The following CLEC9A variants were observed in gnomAD, a reference collection of about 807,000 sequenced individuals.
CLEC9A encodes the protein C-type lectin domain family 9 member A.
A neutral mutation model predicts 30.0 loss-of-function variants in CLEC9A; 24 were observed. The observed-to-expected ratio is 0.80, with a 90% CI of 0.58 to 1.13. CLEC9A has a LOEUF of 1.13. Ranked by LOEUF, CLEC9A falls within the 50% of genes most tolerant of loss-of-function variation. CLEC9A has a pLI of 0.00. For missense variants in CLEC9A, 251 were observed against 280.9 expected (o/e 0.89, Z 0.76); for synonymous variants, 111 against 96.8 (o/e 1.15, Z -0.86).
intron 4 of CLEC9A, among the ~76,000 whole-genome samples, chr12:10,053,178 A>G (rs1463046662): frequency 6.6e-6 from 1 of 152,224 alleles, no homozygotes; most frequent in East Asian, 1.9e-4. Flanking sequence ...GTTGTTGGCT[A>G]TAGTGATTAG....
At chr12:10,036,147 C>T (rs964799586) in intron 1 of CLEC9A, among the ~76,000 whole-genome samples, 2 of 149,520 alleles carry the variant, frequency 1.3e-5, no homozygotes, top group East Asian at 3.9e-4. Flanking sequence ...CAGTCTGACA[C>T]ATTTTTCCCT....
At position 10,041,567 on chromosome 12, in the gene CLEC9A, T is replaced by C. The variant is rs1865798019; in HGVS notation, c.-216T>C. 1.9e-6 allele frequency: 1 copy of C among 521,002 alleles called. No individual in the cohort carries two copies. Among genetic ancestry groups the C allele is most frequent in the Non-Finnish European group, 3.9e-6 (1 of 256,700 alleles). The allele number at this position is 521,002 out of a possible 1,614,324, so 32.3% of individuals were successfully genotyped here. On this transcript the variant is annotated 5_prime_UTR_variant, in exon 2 of 9. Coordinates refer to ENST00000355819, the MANE Select transcript of CLEC9A (RefSeq NM_207345.4). ...CTTGACATGGAAAGAGAGTGAGCAG[T>C]ACTGCACTGACATGAAGGCTACTCT...
chr12:10,054,216 G>A lies in CLEC9A; in HGVS notation c.92-55G>A, dbSNP rs144856648. 1.0e-3 allele frequency: 1,373 copies of A among 1,376,298 alleles called. 8 individuals are homozygous for A. In the East Asian group the frequency reaches 0.02, roughly 20 times the overall value. 85.3% of individuals were successfully genotyped at this position (1,376,298 alleles called of 1,614,324 possible). ...CTCAATCTCAATCTATCCTTGCCCCGTCTTTTTTATCTGCTTTCTCTAACT... is the reference window on the plus strand; with the variant it reads ...CTCAATCTCAATCTATCCTTGCCCCATCTTTTTTATCTGCTTTCTCTAACT... On this transcript the variant is annotated intron_variant, in intron 4 of 8. Transcript: ENST00000355819.
chr12:10,041,900 T>C (rs1470411041), intron 2 of CLEC9A, among the ~76,000 whole-genome samples: 1 of 152,226 alleles, frequency 6.6e-6, no homozygotes, highest in Admixed American at 6.5e-5. Flanking sequence ...GTGATGTTCT[T>C]GATCATTTGT....
intron 5 of CLEC9A, among the ~76,000 whole-genome samples, chr12:10,057,986 A>G (rs544721364): frequency 1.3e-5 from 2 of 152,266 alleles, no homozygotes; most frequent in Non-Finnish European, 2.9e-5. Context: ...GGGGGACGTT[A>G]AAAGTATTTT....
At position 10,063,222 on chromosome 12, in the gene CLEC9A, T is replaced by C. The variant is rs1471117419; in HGVS notation, c.471+16T>C. On this transcript the variant is annotated intron_variant, in intron 7 of 8. Coordinates refer to ENST00000355819, the MANE Select transcript of CLEC9A (RefSeq NM_207345.4). ...AGAAGAAATGGTAAACACTGTTTTG[T>C]GGTCTCATGTTATTCTGAAAATATC... 6.4e-7 allele frequency: 1 copy of C among 1,558,706 alleles called. No individual in the cohort carries two copies. The highest frequency in any genetic ancestry group is 1.4e-5 in the African/African-American group (1 of 71,450).
In CLEC9A at chr12:10,058,773, G is replaced by A. The variant is rs1480166352; in HGVS notation, c.173-2354G>A. ...TTGGCCATGGTGGTCTCGAACTCCT[G>A]ACCTCAAGTGAGCCACCCCCCTCAG... On this transcript the variant is annotated intron_variant, in intron 5 of 8. Transcript: ENST00000355819. Among the ~76,000 whole-genome samples, 8 of 152,286 alleles carry A rather than the reference G, an allele frequency of 5.3e-5. No homozygotes were observed. In the East Asian group the frequency reaches 1.5e-3, roughly 29 times the overall value.
intron 7 of CLEC9A, among the ~76,000 whole-genome samples, chr12:10,064,347 A>G (rs1343009418): frequency 5.3e-5 from 8 of 152,214 alleles, no homozygotes; most frequent in Non-Finnish European, 1.2e-4. Flanking sequence ...GAATCTCATG[A>G]ACTATTTTTC....
At position 10,063,161 on chromosome 12, in the gene CLEC9A, A is replaced by G. The variant is rs767392218; in HGVS notation, c.426A>G (p.Leu142=). ...GGCACACCAGTCAAGAGAATTGTTT[A>G]AAGGAAGGTTCCACGCTGCTACAAA... ...SIWHTSQENC[L]KEGSTLLQIE... Residue 142 remains leucine (L), a synonymous_variant, in exon 7 of 9, where the codon TTA becomes TTG. Coordinates refer to ENST00000355819, the MANE Select transcript of CLEC9A (RefSeq NM_207345.4). 7.1e-5 allele frequency: 115 copies of G among 1,611,744 alleles called. No individual in the cohort carries two copies. The highest frequency in any genetic ancestry group is 9.5e-5 in the Non-Finnish European group (112 of 1,179,208).
chr12:10,055,038 G>A (rs1865928221), intron 5 of CLEC9A, among the ~76,000 whole-genome samples: 1 of 152,166 alleles, frequency 6.6e-6, no homozygotes, highest in Non-Finnish European at 1.5e-5. Context: ...GAAGGGAAAG[G>A]TTCAGATTCG....
intron 2 of CLEC9A, among the ~76,000 whole-genome samples, chr12:10,046,498 A>G (rs1865847756): frequency 6.6e-6 from 1 of 152,222 alleles, no homozygotes; most frequent in Non-Finnish European, 1.5e-5. Flanking sequence ...AAAATGCTTT[A>G]TTTAGGTCTT....
In CLEC9A at chr12:10,065,879, GA is replaced by G. The variant is rs1413873141; in HGVS notation, c.*249del. The G allele has an allele frequency of 1.5e-4, 57 of 371,190 alleles. No homozygotes were observed. Among genetic ancestry groups the G allele is most frequent in the African/African-American group, 1.1e-3 (54 of 47,796 alleles). The allele number at this position is 371,190 out of a possible 1,614,324, so 23.0% of individuals were successfully genotyped here. On this transcript the variant is annotated 3_prime_UTR_variant, in exon 9 of 9. Transcript: ENST00000355819. ...AGAAGACAAAACCCTGAAGAGTTAA[GA>G]ACAAACGCAAGGAAATAATTTTTAT... is the stretch of plus-strand genomic sequence containing the variant.
intron 2 of CLEC9A, among the ~76,000 whole-genome samples, chr12:10,045,143 C>G (rs779805365): frequency 6.6e-6 from 1 of 152,190 alleles, no homozygotes; most frequent in African/African-American, 2.4e-5. Context: ...TCCTGTTCAT[C>G]TAAATCCTGC....
At chr12:10,046,560 TAGA>T (rs1865848429) in intron 2 of CLEC9A, among the ~76,000 whole-genome samples, 1 of 152,214 alleles carries the variant, frequency 6.6e-6, no homozygotes, top group South Asian at 2.1e-4. Flanking sequence ...CAAGTATTTA[TAGA>T]ATACATGGAA....
At chr12:10,059,212 AAGAC>A (rs1838536444) in intron 5 of CLEC9A, among the ~76,000 whole-genome samples, 1 of 152,226 alleles carries the variant, frequency 6.6e-6, no homozygotes, top group Non-Finnish European at 1.5e-5. Context: ...AGTCGACAAA[AAGAC>A]AGATATAAAA....
At chr12:10,034,323 A>G (rs892378595) in intron 1 of CLEC9A, among the ~76,000 whole-genome samples, 1 of 152,366 alleles carries the variant, frequency 6.6e-6, no homozygotes, top group East Asian at 1.9e-4. Flanking sequence ...AAAAAAAGGA[A>G]GAAAGCTGGG....
At chr12:10,039,839 T>A (rs1865775611) in intron 1 of CLEC9A, among the ~76,000 whole-genome samples, 1 of 139,840 alleles carries the variant, frequency 7.2e-6, no homozygotes. Context: ...TTTATTTATT[T>A]GAAACAAAGT....
At chr12:10,037,905 G>A (rs1000406193) in intron 1 of CLEC9A, among the ~76,000 whole-genome samples, 4 of 152,148 alleles carry the variant, frequency 2.6e-5, no homozygotes, top group Non-Finnish European at 4.4e-5. Flanking sequence ...GGACAAGAAC[G>A]TGGGCTGGTG....
chr12:10,043,987 A>G (rs945335585), intron 2 of CLEC9A, among the ~76,000 whole-genome samples: 1 of 151,992 alleles, frequency 6.6e-6, no homozygotes, highest in Non-Finnish European at 1.5e-5. Context: ...CCCTCTCCAT[A>G]TATTTTTTAA....
Sources: allele counts gnomAD v4.1 joint callset (sites outside exome capture counted in the v4.1 genomes callset), GRCh38; gene constraint gnomAD v4.1.1; transcripts MANE v1.5; gene names NCBI Gene and HGNC (gene_info 2026-07-23, HGNC 2026-07-21).